PRX: variants seen among roughly 807,000 people sequenced by gnomAD.
PRX encodes the protein periaxin.
A neutral mutation model predicts 29.6 loss-of-function variants in PRX; 24 were observed. That is an observed-to-expected ratio of 0.81 (90% CI 0.59 to 1.14). The LOEUF is 1.14. Among genes scored for constraint, PRX ranks in the 50% most tolerant of loss-of-function variants. PRX has a pLI of 0.00. For missense variants in PRX, 1,838 were observed against 1,926.4 expected (o/e 0.95, Z 0.86); for synonymous variants, 772 against 831.7 (o/e 0.93, Z 1.24).
intron 1 of PRX, among the ~76,000 whole-genome samples, chr19:40,410,351 C>T (rs563880725): frequency 1.3e-5 from 2 of 152,318 alleles, no homozygotes; most frequent in South Asian, 2.1e-4. Flanking sequence ...AGTTGCATTC[C>T]GCCCCTGCCC....
intron 1 of PRX, 129 bp downstream of exon 1, chr19:40,413,209 C>A (rs1201706911): frequency 1.3e-5 from 2 of 152,836 alleles, no homozygotes; most frequent in African/African-American, 4.8e-5. Flanking sequence ...AAAGTCTATA[C>A]CTTTAACACC....
In PRX at chr19:40,394,222, C is replaced by T. The variant is rs200835105; in HGVS notation, c.4130G>A (p.Arg1377His). 54 of 1,599,206 alleles carry T rather than the reference C, an allele frequency of 3.4e-5. No individual in the cohort carries two copies. The highest frequency in any genetic ancestry group is 2.7e-4 in the African/African-American group (20 of 74,696). Residue 1377 changes from arginine (R) to histidine (H), a missense_variant, in exon 7 of 7, where the codon CGC becomes CAC. Physicochemically the swap from Arg to His is conservative, Grantham distance 29. Coordinates refer to ENST00000324001, the MANE Select transcript of PRX (RefSeq NM_181882.3). The surrounding 1 kb of genome is among the most constrained non-coding windows in gnomAD (Gnocchi z 5.8). ...GGCCGCCAGGCCTACACGTGGCAAG[C>T]GGACCCGGACCCGGCCCCGGCGACC... is the stretch of plus-strand genomic sequence containing the variant. ...ASGRRGRVRV[R>H]LPRVGLAAPS...
intron 1 of PRX, 103 bp downstream of exon 1, chr19:40,413,235 C>G (rs372418555): frequency 7.2e-5 from 11 of 152,726 alleles, no homozygotes; most frequent in Admixed American, 7.2e-4. Flanking sequence ...CACACGGCTT[C>G]CTGAGCCCCC....
In PRX at chr19:40,394,346, C is replaced by G; in HGVS notation, c.4006G>C (p.Val1336Leu). Residue 1336 changes from valine to leucine, a missense_variant, in exon 7 of 7, where the codon GTG becomes CTG. Val to Leu is a conservative substitution (Grantham distance 32). This residue lies in a region of PRX where 1,143 missense variants were observed against 1,193.0 expected (regional missense o/e 0.96). Coordinates refer to ENST00000324001, the MANE Select transcript of PRX (RefSeq NM_181882.3). This position sits in a 1 kb window ranked among gnomAD's most constrained non-coding sequence, Gnocchi z 5.8. Reference sequence around the variant, plus strand: ...ACCATCTCACTTTGGCTGAAGCCCACTCGGGGCAGCCTGAGTTTGGGGCTC... The same window carrying G: ...ACCATCTCACTTTGGCTGAAGCCCAGTCGGGGCAGCCTGAGTTTGGGGCTC... The part of the protein sequence containing the change: ...AKSPKLRLPR[V>L]GFSQSEMVTG... 1 of 1,606,284 alleles carries G rather than the reference C, an allele frequency of 6.2e-7. No individual in the cohort carries two copies. Among genetic ancestry groups the G allele is most frequent in the African/African-American group, 1.3e-5 (1 of 74,842 alleles).
chr19:40,394,362 T>G lies in PRX; in HGVS notation c.3990A>C (p.Lys1330Asn). 2 of 1,603,982 alleles carry G rather than the reference T, an allele frequency of 1.2e-6. No individual in the cohort carries two copies. Among genetic ancestry groups the G allele is most frequent in the Non-Finnish European group, 1.7e-6 (2 of 1,175,044 alleles). ...TGAAGCCCACTCGGGGCAGCCTGAG[T>G]TTGGGGCTCTTGGCCTTCTCACCCT... The part of the protein sequence containing the change: ...AEEGEKAKSP[K>N]LRLPRVGFSQ... The change falls in exon 7 of 7, where the codon AAA becomes AAC. Residue 1330 changes from lysine to asparagine, a missense_variant. Lys to Asn is a moderately conservative substitution (Grantham distance 94). Around this residue, in one of 3 missense-constraint regions of PRX, gnomAD observed 1,143 missense variants for 1,193.0 expected, o/e 0.96. Coordinates refer to ENST00000324001, the MANE Select transcript of PRX (RefSeq NM_181882.3). The surrounding 1 kb of genome is among the most constrained non-coding windows in gnomAD (Gnocchi z 5.8).
Position 40,398,334 on chromosome 19 carries a change from T to C in PRX, c.381+286A>G. The C allele has an allele frequency of 4.2e-6, 6 of 1,427,016 alleles. No individual in the cohort carries two copies. The highest frequency in any genetic ancestry group is 5.5e-6 in the Non-Finnish European group (6 of 1,095,140). 88.4% of individuals were successfully genotyped at this position (1,427,016 alleles called of 1,614,324 possible). A position where few individuals can be genotyped will look rare whatever the true frequency, so the allele number is the denominator to read the frequency against. Reference sequence around the variant, plus strand: ...TTGGGCCAGCACTCAGGCTGGAATCTGGCTTTCCTGGTTCGAAGTAGCCTG... The same window carrying C: ...TTGGGCCAGCACTCAGGCTGGAATCCGGCTTTCCTGGTTCGAAGTAGCCTG... On this transcript the variant is annotated intron_variant, in intron 6 of 6. Coordinates refer to ENST00000324001, the MANE Select transcript of PRX (RefSeq NM_181882.3). This position sits in a 1 kb window ranked among gnomAD's most constrained non-coding sequence, Gnocchi z 6.3.
chr19:40,394,785 C>G lies in PRX; in HGVS notation c.3567G>C (p.Gln1189His). ...GGGCTCCAGGCAGAGACAGGGTCAC[C>G]TGGGGCACCTGAACCCTGTAGCCTG... is the stretch of plus-strand genomic sequence containing the variant. Reference protein sequence around the residue: ...GTAGYRVQVPQVTLSLPGAQV... With the variant: ...GTAGYRVQVPHVTLSLPGAQV... Residue 1189 changes from glutamine to histidine, a missense_variant, in exon 7 of 7, where the codon CAG (glutamine) becomes CAC (histidine). By Grantham distance (24) the Gln-to-His change is conservative (BLOSUM62 0). Transcript: ENST00000324001. The surrounding 1 kb of genome is among the most constrained non-coding windows in gnomAD (Gnocchi z 5.8). 1 of 1,613,686 alleles carries G rather than the reference C, an allele frequency of 6.2e-7. No homozygotes were observed. The highest frequency in any genetic ancestry group is 8.5e-7 in the Non-Finnish European group (1 of 1,180,014).
chr19:40,411,386 C>T (rs1327023362), intron 1 of PRX, among the ~76,000 whole-genome samples: 1 of 152,162 alleles, frequency 6.6e-6, no homozygotes, highest in Non-Finnish European at 1.5e-5. Context: ...GGTGTGAAAG[C>T]GAACTCAGTT....
At position 40,408,158 on chromosome 19, in the gene PRX, C is replaced by T. The variant is rs1008916688; in HGVS notation, c.-100G>A. On this transcript the variant is annotated splice_region_variant and 5_prime_UTR_variant, in exon 3 of 7. Coordinates refer to ENST00000324001, the MANE Select transcript of PRX (RefSeq NM_181882.3). ...GCCCCCACCCCAGCTGTCCTCTCACCGCTGCCTGGGTGCAGGCACTTCCTC... is the reference window on the plus strand; with the variant it reads ...GCCCCCACCCCAGCTGTCCTCTCACTGCTGCCTGGGTGCAGGCACTTCCTC... 3.6e-5 allele frequency: 22 copies of T among 618,992 alleles called. No homozygotes were observed. The East Asian group carries it at 5.2e-4, about 15-fold the overall frequency. The allele number at this position is 618,992 out of a possible 1,614,324, so 38.3% of individuals were successfully genotyped here. A position where few individuals can be genotyped will look rare whatever the true frequency, so the allele number is the denominator to read the frequency against.
intron 5 of PRX, among the ~76,000 whole-genome samples, chr19:40,401,871 A>C (rs2079496752): frequency 6.6e-6 from 1 of 150,730 alleles, no homozygotes; most frequent in East Asian, 2.0e-4. Context: ...CTCCTGCCTC[A>C]GTCTCCTGAG....
chr19:40,408,577 G>A (rs543502405), intron 1 of PRX, among the ~76,000 whole-genome samples, 194 bp from the exon 2 acceptor site: 3 of 152,332 alleles, frequency 2.0e-5, no homozygotes, highest in Non-Finnish European at 4.4e-5. Flanking sequence ...AGGCCTGTCT[G>A]GCAGCAGAGC....
At chr19:40,412,369 C>T (rs2079562465) in intron 1 of PRX, among the ~76,000 whole-genome samples, 1 of 152,168 alleles carries the variant, frequency 6.6e-6, no homozygotes, top group Non-Finnish European at 1.5e-5. Context: ...ATCTCTGGGG[C>T]CTCAGTTTCT....
At chr19:40,414,075 T>C (rs1056446550), upstream of PRX, among the ~76,000 whole-genome samples, 1 of 152,192 alleles carries the variant, frequency 6.6e-6, no homozygotes, top group Non-Finnish European at 1.5e-5. Flanking sequence ...CCATGCTCAG[T>C]GCTGAAGCCC....
In PRX at chr19:40,407,912, A is replaced by G. The variant is rs553845309; in HGVS notation, c.21T>C (p.Ser7=). 1.6e-5 allele frequency: 26 copies of G among 1,613,324 alleles called. No homozygotes were observed. In the Admixed American group the frequency reaches 2.5e-4, roughly 16 times the overall value. MEARSR[S]AEELRRAELV... is the part of the protein sequence containing the mutation. ...AGGACACGTGGGCACTCACCTCGGC[A>G]CTCCGGCTCCTGGCCTCCATGGCGT... The change falls in exon 4 of 7, where the codon AGT becomes AGC. Residue 7 remains serine (S), a synonymous_variant. Transcript: ENST00000324001.
At chr19:40,405,478 C>G (rs2079524396) in intron 4 of PRX, among the ~76,000 whole-genome samples, 1 of 152,030 alleles carries the variant, frequency 6.6e-6, no homozygotes, top group African/African-American at 2.4e-5. Context: ...GCCAGATGCC[C>G]CACAGCAGTG....
chr19:40,394,106 A>C lies in PRX; in HGVS notation c.4246T>G (p.Ser1416Ala). 4 of 1,608,470 alleles carry C rather than the reference A, an allele frequency of 2.5e-6. No homozygotes were observed. The highest frequency in any genetic ancestry group is 3.4e-6 in the Non-Finnish European group (4 of 1,176,034). The change falls in exon 7 of 7, where the codon TCC becomes GCC. Residue 1416 changes from serine (S) to alanine (A), a missense_variant. Ser to Ala is a moderately conservative substitution (Grantham distance 99, BLOSUM62 1). Coordinates refer to ENST00000324001, the MANE Select transcript of PRX (RefSeq NM_181882.3). The surrounding 1 kb of genome is among the most constrained non-coding windows in gnomAD (Gnocchi z 5.8). ...KSPKFRFPRV[S>A]LSPKARSGSG... ...CCACTCCGGGCCTTGGGGCTTAGGG[A>C]CACCCTGGGGAAGCGGAACTTGGGT...
rs1453722947 is a variant in PRX, at chr19:40,395,120, C to A, written c.3232G>T (p.Gly1078Cys). Residue 1078 changes from glycine to cysteine, a missense_variant, in exon 7 of 7, where the codon GGT becomes TGT. Around this residue, in one of 3 missense-constraint regions of PRX, gnomAD observed 1,143 missense variants for 1,193.0 expected, o/e 0.96. Transcript: ENST00000324001. The stretch of plus-strand genomic sequence containing the variant: ...TTTTCCCCCGGGCTGGCACGATCAC[C>A]TTGAACTTCTGCTTCCTTCCCTCGA... ...LARGKEAEVQ[G>C]DRASPGEKAE... 2 of 1,614,108 alleles carry A rather than the reference C, an allele frequency of 1.2e-6. No homozygotes were observed. The highest frequency in any genetic ancestry group is 3.3e-5 in the Admixed American group (2 of 60,030).
rs768077877 is a variant in PRX at position 40,397,526 on chromosome 19, C to T, written c.826G>A (p.Gly276Arg). 35 of 1,545,070 alleles carry T rather than the reference C, an allele frequency of 2.3e-5. No homozygotes were observed. The highest frequency in any genetic ancestry group is 3.5e-5 in the South Asian group (3 of 84,666). Reference sequence around the variant, plus strand: ...TCCACAGCAGGCGGAGCCGGGGCTCCGAGCCCAAGGGTTGGCAGGTGGAGG... The same window carrying T: ...TCCACAGCAGGCGGAGCCGGGGCTCTGAGCCCAAGGGTTGGCAGGTGGAGG... ...FALHLPTLGL[G>R]APAPPAVEAP... The change falls in exon 7 of 7, where the codon GGA (glycine) becomes AGA (arginine). Residue 276 changes from glycine (G) to arginine (R), a missense_variant. Around this residue, in one of 3 missense-constraint regions of PRX, gnomAD observed 666 missense variants for 665.0 expected, o/e 1.00. Coordinates refer to ENST00000324001, the MANE Select transcript of PRX (RefSeq NM_181882.3).
In PRX at chr19:40,396,290, C is replaced by A. The variant is rs1223175905; in HGVS notation, c.2062G>T (p.Val688Phe). The A allele has an allele frequency of 2.5e-6, 4 of 1,601,826 alleles. No homozygotes were observed. The highest frequency in any genetic ancestry group is 3.4e-6 in the Non-Finnish European group (4 of 1,176,356). The change falls in exon 7 of 7, where the codon GTC becomes TTC. Residue 688 changes from valine (V) to phenylalanine (F), a missense_variant. Transcript: ENST00000324001. ...ACCTTGGGGAGTTTCATCTCTGAGA[C>A]TTTTGGCAGCTGCACCTCGGGGAGT... ...VRLPEVQLPK[V>F]SEMKLPKVPE...
Sources: allele counts gnomAD v4.1 joint callset (sites outside exome capture counted in the v4.1 genomes callset), GRCh38; gene constraint gnomAD v4.1.1; regional missense constraint gnomAD v4.1.1; non-coding constraint Gnocchi (gnomAD v3.1); transcripts MANE v1.5; gene names NCBI Gene and HGNC (gene_info 2026-07-23, HGNC 2026-07-21).